SHH: variants seen among roughly 807,000 people sequenced by gnomAD.
The protein encoded by SHH is sonic hedgehog signaling molecule, also known as sonic hedgehog protein.
SHH carries 3 observed loss-of-function variants against 16.6 expected under a neutral mutation model. That is an observed-to-expected ratio of 0.18 (90% CI 0.08 to 0.47). The LOEUF (loss-of-function observed/expected upper bound fraction) is 0.47, where lower values mean the gene tolerates loss of function less well. Ranked by LOEUF, SHH falls within the 20% of genes least tolerant of loss-of-function variation. The probability of loss-of-function intolerance (pLI) is 0.98; values close to 1 mark genes in which losing one functional copy is unlikely to be tolerated. For synonymous variants in SHH, 351 were observed against 316.2 expected (o/e 1.11, Z -1.17); for missense variants, 499 against 665.0 (o/e 0.75, Z 2.75).
In SHH at chr7:155,800,022, C is replaced by G. The variant is rs550821094; in HGVS notation, c.*2878G>C. The stretch of plus-strand genomic sequence containing the variant: ...CTTTAATTATTCAAACAATAGAGCA[C>G]AAAGATAACAGTTTCAAGTACATTG... On this transcript the variant is annotated 3_prime_UTR_variant, in exon 3 of 3. Coordinates refer to ENST00000297261, the MANE Select transcript of SHH (RefSeq NM_000193.4). The G allele has an allele frequency of 2.1e-6, 1 of 471,146 alleles. No individual in the cohort carries two copies. The highest frequency in any genetic ancestry group is 2.3e-5 in the Admixed American group (1 of 42,586). 29.2% of individuals were successfully genotyped at this position (471,146 alleles called of 1,614,324 possible).
chr7:155,806,578 CCACCGACGGA>C, intron 1 of SHH, 21 bp from the exon 2 acceptor site: 1 of 1,610,318 alleles, frequency 6.2e-7, no homozygotes, highest in Non-Finnish European at 8.5e-7. Flanking sequence ...AAGGGGACCC[CCACCGACGGA>C]CACGTTAGCC....
chr7:155,802,155 G>T lies in SHH; in HGVS notation c.*745C>A, dbSNP rs1418177060. 1.3e-5 allele frequency: 2 copies of T among 151,262 alleles called. No homozygotes were observed. The highest frequency in any genetic ancestry group is 4.9e-5 in the African/African-American group (2 of 41,090). 9.4% of individuals were successfully genotyped at this position (151,262 alleles called of 1,614,324 possible). A position where few individuals can be genotyped will look rare whatever the true frequency, so the allele number is the denominator to read the frequency against. ...GTATGTTGTGTGTGTAACAGTCTTG[G>T]CTTCCAAGAATGTGGCAAAATGGTG... On this transcript the variant is annotated 3_prime_UTR_variant, in exon 3 of 3. Transcript: ENST00000297261.
chr7:155,803,004 TGG>T lies in SHH; in HGVS notation c.1283_1284del (p.Ala428AspfsTer69). On this transcript the variant is annotated frameshift_variant, in exon 3 of 3. Coordinates refer to ENST00000297261, the MANE Select transcript of SHH (RefSeq NM_000193.4). LOFTEE classifies it low-confidence loss of function (END_TRUNC). The part of the protein sequence containing the change: ...PGAADAPGAG[A>X]TAGIHWYSQL... ...TGCGAGTACCAGTGGATGCCCGCGGTGGCCCCCGCACCCGGAGCGTCGGCAGC... is the reference window on the plus strand; with the variant it reads ...TGCGAGTACCAGTGGATGCCCGCGGTCCCCCGCACCCGGAGCGTCGGCAGC... 6.5e-7 allele frequency: 1 copy of T among 1,546,672 alleles called. No homozygotes were observed. The highest frequency in any genetic ancestry group is 8.7e-7 in the Non-Finnish European group (1 of 1,147,152).
Position 155,803,530 on chromosome 7 carries a change from G to A in SHH, c.759C>T (p.Tyr253=). The change falls in exon 3 of 3, where the codon TAC becomes TAT. Residue 253 remains tyrosine (Y), a synonymous_variant. Transcript: ENST00000297261. ...CGCGCGGCTCCCGCGTCTCGATCAC[G>A]TAGAAGACCTTCTTGGCGCCGTCGT... ...DRDDGAKKVF[Y]VIETREPRER... is the part of the protein sequence containing the mutation. The A allele has an allele frequency of 2.5e-6, 4 of 1,591,980 alleles. No homozygotes were observed. The highest frequency in any genetic ancestry group is 3.4e-6 in the Non-Finnish European group (4 of 1,175,126).
rs1382069869 is a variant in SHH, at chr7:155,812,011, T to G, written c.112A>C (p.Lys38Gln). Residue 38 changes from lysine (K) to glutamine (Q), a missense_variant, in exon 1 of 3, where the codon AAG becomes CAG. By Grantham distance (53) the Lys-to-Gln change is moderately conservative (BLOSUM62 1). Coordinates refer to ENST00000297261, the MANE Select transcript of SHH (RefSeq NM_000193.4). ...RGFGKRRHPK[K>Q]LTPLAYKQFI... is the part of the protein sequence containing the mutation. ...TGCTTGTAGGCTAAAGGGGTCAGCT[T>G]TTTGGGGTGCCTCCTCTTCCCGAAC... 6.2e-7 allele frequency: 1 copy of G among 1,614,042 alleles called. No individual in the cohort carries two copies. Among genetic ancestry groups the G allele is most frequent in the Admixed American group, 1.7e-5 (1 of 60,018 alleles).
Position 155,809,933 on chromosome 7 carries a change from C to T in SHH, c.300+1890G>A, listed in dbSNP as rs1223824539. Among the ~76,000 whole-genome samples the T allele has an allele frequency of 6.6e-6, 1 of 151,538 alleles. No homozygotes were observed. Among genetic ancestry groups the T allele is most frequent in the Non-Finnish European group, 1.5e-5 (1 of 67,814 alleles). The stretch of plus-strand genomic sequence containing the variant: ...GATGGGGGCGCGTCCCAGGGCAGGC[C>T]GGCGGAGCCCGCGATGCGCCCCGGC... On this transcript the variant is annotated intron_variant, in intron 1 of 2. Coordinates refer to ENST00000297261, the MANE Select transcript of SHH (RefSeq NM_000193.4). This position sits in a 1 kb window ranked among gnomAD's most constrained non-coding sequence, Gnocchi z 6.1.
chr7:155,809,536 C>T lies in SHH; in HGVS notation c.300+2287G>A, dbSNP rs1271794097. On this transcript the variant is annotated intron_variant, in intron 1 of 2. Coordinates refer to ENST00000297261, the MANE Select transcript of SHH (RefSeq NM_000193.4). The surrounding 1 kb of genome is among the most constrained non-coding windows in gnomAD (Gnocchi z 6.1). ...GTAGGGGAGGGATCAACCGGGGATACCTCACAGACTGCCAGCCCCTACCCC... is the reference window on the plus strand; with the variant it reads ...GTAGGGGAGGGATCAACCGGGGATATCTCACAGACTGCCAGCCCCTACCCC... Among the ~76,000 whole-genome samples, 2 of 152,010 alleles carry T rather than the reference C, an allele frequency of 1.3e-5. No homozygotes were observed. Among genetic ancestry groups the T allele is most frequent in the African/African-American group, 4.8e-5 (2 of 41,394 alleles).
chr7:155,808,502 C>G (rs2117143815), intron 1 of SHH, among the ~76,000 whole-genome samples: 1 of 152,354 alleles, frequency 6.6e-6, no homozygotes, highest in East Asian at 1.9e-4. Context: ...GACCCGGGTC[C>G]AGCCGGGCCG....
At position 155,801,874 on chromosome 7, in the gene SHH, A is replaced by G. The variant is rs927713072; in HGVS notation, c.*1026T>C. 6.6e-6 allele frequency: 1 copy of G among 152,214 alleles called. No homozygotes were observed. The highest frequency in any genetic ancestry group is 1.5e-5 in the Non-Finnish European group (1 of 68,036). 9.4% of individuals were successfully genotyped at this position (152,214 alleles called of 1,614,324 possible). A position where few individuals can be genotyped will look rare whatever the true frequency, so the allele number is the denominator to read the frequency against. Reference sequence around the variant, plus strand: ...GTGCATGGCACATTTTATTTCTATAAAACTATTACAAAATATTCAAAAATA... The same window carrying G: ...GTGCATGGCACATTTTATTTCTATAGAACTATTACAAAATATTCAAAAATA... On this transcript the variant is annotated 3_prime_UTR_variant, in exon 3 of 3. Coordinates refer to ENST00000297261, the MANE Select transcript of SHH (RefSeq NM_000193.4).
rs769075455 is a variant in SHH at position 155,803,628 on chromosome 7, C to T, written c.661G>A (p.Gly221Arg). ...GTKLVKDLSP[G>R]DRVLAADDQG... is the part of the protein sequence containing the mutation. ...TCGTCCGCCGCCAGCACGCGGTCCC[C>T]GGGGCTCAGGTCCTTCACCAGCTTG... is the stretch of plus-strand genomic sequence containing the variant. The change falls in exon 3 of 3, where the codon GGG becomes AGG. Residue 221 changes from glycine to arginine, a missense_variant. Gly to Arg is a moderately radical substitution (Grantham distance 125). Coordinates refer to ENST00000297261, the MANE Select transcript of SHH (RefSeq NM_000193.4). 2 of 1,598,166 alleles carry T rather than the reference C, an allele frequency of 1.3e-6. No homozygotes were observed. The highest frequency in any genetic ancestry group is 1.7e-6 in the Non-Finnish European group (2 of 1,179,472).
rs1281139453 is a variant in SHH, at chr7:155,806,480, C to T, written c.378G>A (p.Glu126=). 1 of 1,613,782 alleles carries T rather than the reference C, an allele frequency of 6.2e-7. No homozygotes were observed. The highest frequency in any genetic ancestry group is 1.3e-5 in the African/African-American group (1 of 75,068). ...QWPGVKLRVT[E]GWDEDGHHSE... is the part of the protein sequence containing the mutation. ...AGTGGTGGCCATCTTCGTCCCAGCCCTCGGTCACCCGCAGTTTCACTCCTG... is the reference window on the plus strand; with the variant it reads ...AGTGGTGGCCATCTTCGTCCCAGCCTTCGGTCACCCGCAGTTTCACTCCTG... The change falls in exon 2 of 3, where the codon GAG becomes GAA. Residue 126 remains glutamate, a synonymous_variant. Transcript: ENST00000297261.
At chr7:155,806,274 C>T in intron 2 of SHH, 22 bp downstream of exon 2, 3 of 1,612,950 alleles carry the variant, frequency 1.9e-6, no homozygotes, top group South Asian at 1.1e-5. Context: ...GGGTCGGATC[C>T]GGGGGGCCAG....
Position 155,802,745 on chromosome 7 carries a change from C to T in SHH, c.*155G>A. On this transcript the variant is annotated 3_prime_UTR_variant, in exon 3 of 3. Transcript: ENST00000297261. ...ACAAAACTTCCCGGGGTCCTTGTTTCCTTAGAGTCTACTTTGGACTGTCCT... is the reference window on the plus strand; with the variant it reads ...ACAAAACTTCCCGGGGTCCTTGTTTTCTTAGAGTCTACTTTGGACTGTCCT... 2.2e-6 allele frequency: 1 copy of T among 452,764 alleles called. No individual in the cohort carries two copies. The highest frequency in any genetic ancestry group is 3.6e-6 in the Non-Finnish European group (1 of 275,572). The allele number at this position is 452,764 out of a possible 1,614,324, so 28.0% of individuals were successfully genotyped here.
At chr7:155,804,586 G>A (rs1254181978) in intron 2 of SHH, among the ~76,000 whole-genome samples, 5 of 143,124 alleles carry the variant, frequency 3.5e-5, no homozygotes, top group South Asian at 2.3e-4. Flanking sequence ...CAATTCACAA[G>A]CACTATTTGC....
Position 155,806,597 on chromosome 7 carries a change from C to T in SHH, c.301-40G>A, listed in dbSNP as rs761515270. On this transcript the variant is annotated intron_variant, in intron 1 of 2. Coordinates refer to ENST00000297261, the MANE Select transcript of SHH (RefSeq NM_000193.4). ...GGACCCCCACCGACGGACACGTTAG[C>T]CTGGGCAACCGCCACCCCTCCCGGC... 4.3e-6 allele frequency: 7 copies of T among 1,610,390 alleles called. No homozygotes were observed. The African/African-American group carries it at 6.7e-5, about 15-fold the overall frequency.
rs763380033 is a variant in SHH, at chr7:155,803,623, G to A, written c.666C>T (p.Asp222=). 1.9e-6 allele frequency: 3 copies of A among 1,598,342 alleles called. No homozygotes were observed. The African/African-American group carries it at 4.0e-5, about 21-fold the overall frequency. ...CCTGGTCGTCCGCCGCCAGCACGCG[G>A]TCCCCGGGGCTCAGGTCCTTCACCA... is the stretch of plus-strand genomic sequence containing the variant. The part of the protein sequence containing the change: ...TKLVKDLSPG[D]RVLAADDQGR... Residue 222 remains aspartate, a synonymous_variant, in exon 3 of 3, where the codon GAC becomes GAT. Transcript: ENST00000297261.
rs754898783 is a variant in SHH at position 155,803,548 on chromosome 7, G to A, written c.741C>T (p.Gly247=). 64 of 1,595,932 alleles carry A rather than the reference G, an allele frequency of 4.0e-5. No individual in the cohort carries two copies. Among genetic ancestry groups the A allele is most frequent in the Non-Finnish European group, 5.3e-5 (62 of 1,177,840 alleles). The change falls in exon 3 of 3, where the codon GGC becomes GGT. Residue 247 remains glycine, a synonymous_variant. Transcript: ENST00000297261. The part of the protein sequence containing the change: ...DFLTFLDRDD[G]AKKVFYVIET... ...CGATCACGTAGAAGACCTTCTTGGC[G>A]CCGTCGTCGCGGTCCAGGAAAGTGA...
Position 155,803,427 on chromosome 7 carries a change from ACGCCTCGGGCTCCCCGGTGGC to A in SHH, c.841_861del (p.Ala281_Ala287del), listed in dbSNP as rs1380437590. The A allele has an allele frequency of 1.3e-6, 2 of 1,530,356 alleles. No homozygotes were observed. Among genetic ancestry groups the A allele is most frequent in the South Asian group, 2.4e-5 (2 of 83,370 alleles). The allele number at this position is 1,530,356 out of a possible 1,614,324, so 94.8% of individuals were successfully genotyped here. A position where few individuals can be genotyped will look rare whatever the true frequency, so the allele number is the denominator to read the frequency against. On this transcript the variant is annotated inframe_deletion, in exon 3 of 3. Transcript: ENST00000297261. ...CCGGAAGGCGGCCCCGAGCCCGAGG[ACGCCTCGGGCTCCCCGGTGGC>A]CGAGTCGTTGTGCGGCGCCACAAAG...
At position 155,812,090 on chromosome 7, in the gene SHH, G is replaced by A. The variant is rs769792527; in HGVS notation, c.33C>T (p.Val11=). The A allele has an allele frequency of 3.1e-6, 5 of 1,614,078 alleles. No homozygotes were observed. Among genetic ancestry groups the A allele is most frequent in the African/African-American group, 1.3e-5 (1 of 74,948 alleles). Residue 11 remains valine (V), a synonymous_variant, in exon 1 of 3, where the codon GTC becomes GTT. Coordinates refer to ENST00000297261, the MANE Select transcript of SHH (RefSeq NM_000193.4). ...AGCATACCAGCAGCGAGGAGACGAG[G>A]ACTAGCAGCAGACATCTCGCCAGCA... MLLLARCLLL[V]LVSSLLVCSG...
Sources: gnomAD v4.1 joint callset for allele counts (sites outside exome capture counted in the v4.1 genomes callset) on GRCh38, gnomAD v4.1.1 for gene constraint, Gnocchi (gnomAD v3.1) non-coding constraint, MANE v1.5 for transcripts, NCBI Gene and HGNC (gene_info 2026-07-23, HGNC 2026-07-21) for gene names.